ARHGEF1: variants seen among roughly 807,000 people sequenced by gnomAD.
ARHGEF1 encodes 115 kDa guanine nucleotide exchange factor.
ARHGEF1 carries 40 observed loss-of-function variants against 119.7 expected under a neutral mutation model. The ratio of observed to expected loss-of-function variants is 0.33; its 90% CI spans 0.26 to 0.44. The LOEUF (loss-of-function observed/expected upper bound fraction) is 0.44. Among genes scored for constraint, ARHGEF1 ranks in the 20% least tolerant of loss-of-function variants. The pLI is 1.00. For synonymous variants in ARHGEF1, 494 were observed against 521.0 expected (o/e 0.95, Z 0.71); for missense variants, 976 against 1,268.3 (o/e 0.77, Z 3.50).
At chr19:41,910,946 C>G (rs2074748204), downstream of ARHGEF1, among the ~76,000 whole-genome samples, 1 of 152,194 alleles carries the variant, frequency 6.6e-6, no homozygotes. This position sits in a 1 kb window ranked among gnomAD's most constrained non-coding sequence, Gnocchi z 4.4. Context: ...AATTACACAT[C>G]TCAAGACTGG....
intron 8 of ARHGEF1, 126 bp from the exon 9 acceptor site, chr19:41,894,081 G>A (rs1363215873): frequency 5.1e-6 from 3 of 586,360 alleles, no homozygotes; most frequent in Non-Finnish European, 5.4e-6. Flanking sequence ...GTGGGGTCAG[G>A]ATGGGAAGGC....
exon 1 of ARHGEF1, chr19:41,923,126 C>T (rs192307989): frequency 2.8e-5 from 13 of 456,400 alleles, no homozygotes; most frequent in Admixed American, 1.2e-4. Context: ...GAGGTAGGAA[C>T]TGCCATGATG....
chr19:41,920,902 C>G (rs528794107), upstream of ARHGEF1, among the ~76,000 whole-genome samples: 3 of 152,174 alleles, frequency 2.0e-5, no homozygotes, highest in South Asian at 2.1e-4. Context: ...CCCACACCCC[C>G]CTCCCTCTGT....
upstream of ARHGEF1, among the ~76,000 whole-genome samples, chr19:41,919,753 T>C (rs2074827127): frequency 6.6e-6 from 1 of 151,516 alleles, no homozygotes; most frequent in Admixed American, 6.6e-5. Flanking sequence ...TCCACCCTGT[T>C]TCTCTGGGAC....
intron 1 of ARHGEF1, among the ~76,000 whole-genome samples, chr19:41,886,030 C>T (rs2074289403): frequency 6.6e-6 from 1 of 152,124 alleles, no homozygotes; most frequent in Admixed American, 6.5e-5. Flanking sequence ...CAGGTGTGAG[C>T]CACTGTGTCC....
rs1379787724 is a variant in ARHGEF1 at position 41,916,868 on chromosome 19, A to C, written c.1866-6224A>C. Among the ~76,000 whole-genome samples, 2 of 152,022 alleles carry C rather than the reference A, an allele frequency of 1.3e-5. No homozygotes were observed. The highest frequency in any genetic ancestry group is 1.3e-4 in the Admixed American group (2 of 15,266). On this transcript the variant is annotated intron_variant, in intron 18 of 20. Transcript: ENST00000599589. This position sits in a 1 kb window ranked among gnomAD's most constrained non-coding sequence, Gnocchi z 5.4. Reference sequence around the variant, plus strand: ...GACAGCGGCCCCTGCAGAGGTACACACAGACACACCCAGACACACTGGGTA... The same window carrying C: ...GACAGCGGCCCCTGCAGAGGTACACCCAGACACACCCAGACACACTGGGTA...
At chr19:41,898,255 G>T (rs570712602) in intron 13 of ARHGEF1, 187 bp from the exon 14 acceptor site, 2 of 1,296,018 alleles carry the variant, frequency 1.5e-6, no homozygotes, top group South Asian at 1.5e-5. Flanking sequence ...GGAGGAGGAG[G>T]GGGTAGAATG....
chr19:41,909,728 C>T (rs935895775), downstream of ARHGEF1: 27 of 1,044,496 alleles, frequency 2.6e-5, no homozygotes, highest in South Asian at 6.8e-5. This position sits in a 1 kb window ranked among gnomAD's most constrained non-coding sequence, Gnocchi z 5.2. Flanking sequence ...TCACAAGTAG[C>T]GATGGTGGCT....
Position 41,907,362 on chromosome 19 carries a change from C to T in ARHGEF1, c.*275C>T, listed in dbSNP as rs1555850583. The T allele has an allele frequency of 1.3e-6, 2 of 1,534,858 alleles. No homozygotes were observed. Among genetic ancestry groups the T allele is most frequent in the Admixed American group, 3.9e-5 (2 of 50,838 alleles). On this transcript the variant is annotated 3_prime_UTR_variant, in exon 29 of 29. Transcript: ENST00000354532. ...GCCATCTCAGTATTGCCTGTGGGGG[C>T]CACCCCTCCACCCCCACCCCCAAGT...
Position 41,890,010 on chromosome 19 carries a change from AC to A in ARHGEF1, c.225+1149del, listed in dbSNP as rs1332839416. On this transcript the variant is annotated intron_variant, in intron 4 of 28. Coordinates refer to ENST00000354532, the MANE Select transcript of ARHGEF1 (RefSeq NM_004706.4). ...GAGGGTCAGGGACTTGCCTGAGGTG[AC>A]CCCGGCGGCCTCTGGGCATTTTGAG... 2 of 151,998 alleles carry A rather than the reference AC, an allele frequency of 1.3e-5. 1 individual carries two copies. The highest frequency in any genetic ancestry group is 4.1e-4 in the South Asian group (2 of 4,824). The allele number at this position is 151,998 out of a possible 1,614,324, so 9.4% of individuals were successfully genotyped here.
chr19:41,908,080 T>C, downstream of ARHGEF1: 1 of 547,766 alleles, frequency 1.8e-6, no homozygotes, highest in Non-Finnish European at 2.7e-6. The surrounding 1 kb of genome is among the most constrained non-coding windows in gnomAD (Gnocchi z 6.7). Flanking sequence ...CCCCCCCCAC[T>C]CTGGGGCTGG....
At position 41,906,343 on chromosome 19, in the gene ARHGEF1, G is replaced by C; in HGVS notation, c.2492-114G>C. The C allele has an allele frequency of 9.0e-7, 1 of 1,113,556 alleles. No homozygotes were observed. The highest frequency in any genetic ancestry group is 1.6e-5 in the South Asian group (1 of 60,682). The allele number at this position is 1,113,556 out of a possible 1,614,324, so 69.0% of individuals were successfully genotyped here. ...CCCCGAACCCCATCTGCTCAGCCTT[G>C]CCTGGCACCCACCTTCACCTCCAGC... On this transcript the variant is annotated intron_variant, in intron 26 of 28. Coordinates refer to ENST00000354532, the MANE Select transcript of ARHGEF1 (RefSeq NM_004706.4). The surrounding 1 kb of genome is among the most constrained non-coding windows in gnomAD (Gnocchi z 4.5).
chr19:41,912,444 T>C (rs952205927), downstream of ARHGEF1, among the ~76,000 whole-genome samples: 1 of 152,222 alleles, frequency 6.6e-6, no homozygotes, highest in African/African-American at 2.4e-5. Context: ...CACGTACCCC[T>C]GACTGGGCAG....
intron 1 of ARHGEF1, among the ~76,000 whole-genome samples, chr19:41,924,226 G>T (rs2074858959): frequency 6.6e-6 from 1 of 151,896 alleles, no homozygotes; most frequent in South Asian, 2.1e-4. Context: ...GAGGGAGGAG[G>T]TCACCTGAGG....
downstream of ARHGEF1, among the ~76,000 whole-genome samples, chr19:41,911,605 G>A (rs1315628220): frequency 2.0e-5 from 3 of 152,136 alleles, no homozygotes; most frequent in African/African-American, 7.2e-5. Flanking sequence ...TCTCCTTGAG[G>A]GAGAATTTTT....
chr19:41,913,014 G>A (rs2074763041), intron 18 of ARHGEF1: 13 of 555,188 alleles, frequency 2.3e-5, no homozygotes, highest in Non-Finnish European at 3.5e-5. Context: ...GCTGCCCGGG[G>A]CCTTCCCCTC....
upstream of ARHGEF1, among the ~76,000 whole-genome samples, chr19:41,921,375 G>A (rs1410693826): frequency 1.3e-5 from 2 of 152,146 alleles, no homozygotes; most frequent in African/African-American, 4.8e-5. This position sits in a 1 kb window ranked among gnomAD's most constrained non-coding sequence, Gnocchi z 4.4. Flanking sequence ...GGGGATAGGC[G>A]GGACATGGGG....
At chr19:41,921,570 C>G (rs1225309064), upstream of ARHGEF1, among the ~76,000 whole-genome samples, 1 of 151,922 alleles carries the variant, frequency 6.6e-6, no homozygotes, top group Non-Finnish European at 1.5e-5. The surrounding 1 kb of genome is among the most constrained non-coding windows in gnomAD (Gnocchi z 4.4). Flanking sequence ...ACCAGAGAGG[C>G]TGAGACAAAA....
intron 1 of ARHGEF1, chr19:41,884,328 G>C (rs2074260616): frequency 7.8e-7 from 1 of 1,288,300 alleles, no homozygotes; most frequent in Non-Finnish European, 1.1e-6. Flanking sequence ...GCCGGAGCCC[G>C]GCAGGAGCCG....
Sources: allele counts gnomAD v4.1 joint callset (sites outside exome capture counted in the v4.1 genomes callset), GRCh38; gene constraint gnomAD v4.1.1; non-coding constraint Gnocchi (gnomAD v3.1); transcripts MANE v1.5; gene names NCBI Gene and HGNC (gene_info 2026-07-23, HGNC 2026-07-21).